UNC13C: variants seen among roughly 807,000 people sequenced by gnomAD.
The protein encoded by UNC13C is unc-13 homolog C.
Under a neutral mutation model 245.4 loss-of-function variants are expected in UNC13C, and 174 were observed. The observed-to-expected ratio is 0.71, with a 90% confidence interval of 0.63 to 0.80. The LOEUF is 0.80. Ranked by LOEUF, UNC13C falls within the 30% of genes least tolerant of loss-of-function variation. The pLI is 0.00. For synonymous variants in UNC13C, 992 were observed against 895.1 expected (o/e 1.11, Z -1.93); for missense variants, 2,829 against 2,602.9 (o/e 1.09, Z -1.89).
chr15:54,464,439 AT>A (rs1567298520), intron 19 of UNC13C, among the ~76,000 whole-genome samples: 4 of 152,024 alleles, frequency 2.6e-5, no homozygotes, highest in African/African-American at 9.7e-5. Flanking sequence ...ACATTTTTTT[AT>A]TCTTGAAAAT....
chr15:53,993,239 A>G (rs1012042794), intron 1 of UNC13C, among the ~76,000 whole-genome samples: 3 of 152,140 alleles, frequency 2.0e-5, no homozygotes, highest in Non-Finnish European at 2.9e-5. Flanking sequence ...TGCATTTGCA[A>G]TAGAGTCTTT....
Position 54,294,073 on chromosome 15 carries a change from T to A in UNC13C, c.3988+9T>A, listed in dbSNP as rs745725850. On this transcript the variant is annotated intron_variant, in intron 11 of 32. Coordinates refer to ENST00000260323, the MANE Select transcript of UNC13C (RefSeq NM_001080534.3). The stretch of plus-strand genomic sequence containing the variant: ...TGTCTGGTACAACTTAGGTGATTTT[T>A]TTTTTTATCTACTTGAAAACGAGTT... 1.3e-6 allele frequency: 2 copies of A among 1,501,528 alleles called. No homozygotes were observed. The highest frequency in any genetic ancestry group is 8.8e-7 in the Non-Finnish European group (1 of 1,129,994). The allele number at this position is 1,501,528 out of a possible 1,614,324, so 93.0% of individuals were successfully genotyped here.
In UNC13C at chr15:54,264,247, G is replaced by A. The variant is rs1479392554; in HGVS notation, c.3528G>A (p.Lys1176=). Residue 1176 remains lysine (K), a synonymous_variant, in exon 9 of 33, where the codon AAG becomes AAA. Coordinates refer to ENST00000260323, the MANE Select transcript of UNC13C (RefSeq NM_001080534.3). ...TTACAGCAATGAAAGAAAGAATGAA[G>A]ATCAGGGAGAAAAACCGGCCAGAAG... is the stretch of plus-strand genomic sequence containing the variant. ...TIITAMKERM[K]IREKNRPEVF... 4 of 1,597,684 alleles carry A rather than the reference G, an allele frequency of 2.5e-6. No homozygotes were observed. In the Admixed American group the frequency reaches 6.9e-5, roughly 28 times the overall value.
At chr15:54,260,510 A>G (rs2140883506) in intron 8 of UNC13C, among the ~76,000 whole-genome samples, 1 of 150,656 alleles carries the variant, frequency 6.6e-6, no homozygotes, top group Non-Finnish European at 1.5e-5. Context: ...GTTATTATAT[A>G]CATATCTATG....
chr15:54,403,360 C>G (rs998538729), intron 18 of UNC13C, among the ~76,000 whole-genome samples: 4 of 151,970 alleles, frequency 2.6e-5, no homozygotes, highest in African/African-American at 4.8e-5. Flanking sequence ...GAGCTATGAT[C>G]AGACCACTGC....
At chr15:54,439,757 A>C (rs989246923) in intron 19 of UNC13C, among the ~76,000 whole-genome samples, 2 of 151,982 alleles carry the variant, frequency 1.3e-5, no homozygotes, top group Admixed American at 6.6e-5. Flanking sequence ...CCATCACCTC[A>C]AATATTTATC....
At chr15:54,224,550 T>C (rs11634360) in intron 4 of UNC13C, among the ~76,000 whole-genome samples, 39,545 of 152,036 alleles carry the variant, frequency 0.26, 5,702 homozygotes, top group Non-Finnish European at 0.31. Context: ...TTGTTAAGGA[T>C]ATTTGCATCA....
chr15:54,575,179 G>A (rs971253963), intron 30 of UNC13C, among the ~76,000 whole-genome samples: 2 of 152,124 alleles, frequency 1.3e-5, no homozygotes, highest in Admixed American at 6.6e-5. Context: ...GGGATTACAG[G>A]TGCCCGCCAC....
At chr15:53,958,149 G>A in the UNC13C span, among the ~76,000 whole-genome samples, 2 of 152,062 alleles carry the variant, frequency 1.3e-5, no homozygotes, top group East Asian at 3.9e-4. Context: ...AATTTTAGAC[G>A]AAGTTTGTCA....
At chr15:54,450,913 C>G (rs184909578) in intron 19 of UNC13C, among the ~76,000 whole-genome samples, 3 of 152,156 alleles carry the variant, frequency 2.0e-5, no homozygotes, top group Non-Finnish European at 2.9e-5. Flanking sequence ...ATCTTGGAAC[C>G]ACCCAAGAGT....
At chr15:54,520,674 G>A (rs897107868) in intron 24 of UNC13C, among the ~76,000 whole-genome samples, 1 of 152,192 alleles carries the variant, frequency 6.6e-6, no homozygotes, top group African/African-American at 2.4e-5. Flanking sequence ...GGCAGTTAGA[G>A]AAGCAGGGAA....
the UNC13C span, among the ~76,000 whole-genome samples, chr15:53,916,555 A>G: frequency 6.6e-6 from 1 of 152,146 alleles, no homozygotes; most frequent in African/African-American, 2.4e-5. Flanking sequence ...GCAGTAGTGA[A>G]GAGTTGGGAA....
At chr15:54,049,412 T>C (rs1053812025) in intron 2 of UNC13C, 7 of 506,830 alleles carry the variant, frequency 1.4e-5, no homozygotes, top group African/African-American at 5.9e-5. Flanking sequence ...TCAAATATAA[T>C]TGGTGTATTC....
chr15:54,476,174 A>G (rs1892728411), intron 19 of UNC13C, among the ~76,000 whole-genome samples: 1 of 119,038 alleles, frequency 8.4e-6, no homozygotes, highest in Non-Finnish European at 1.8e-5. Context: ...TTTCTTGTAA[A>G]TGTGTTTGAG....
chr15:54,255,018 G>T (rs2036244126), intron 8 of UNC13C, among the ~76,000 whole-genome samples: 1 of 152,146 alleles, frequency 6.6e-6, no homozygotes, highest in South Asian at 2.1e-4. Flanking sequence ...GTGTGATGGG[G>T]TGTAGCTCGC....
intron 30 of UNC13C, among the ~76,000 whole-genome samples, chr15:54,582,444 T>C (rs1596612020): frequency 6.6e-6 from 1 of 152,186 alleles, no homozygotes; most frequent in Admixed American, 6.5e-5. Flanking sequence ...GTTCTGCAGC[T>C]AAATTCAGGA....
chr15:54,268,368 T>A (rs1380522003), intron 10 of UNC13C, among the ~76,000 whole-genome samples: 1 of 152,110 alleles, frequency 6.6e-6, no homozygotes, highest in Non-Finnish European at 1.5e-5. Flanking sequence ...TTATGATAAC[T>A]GTTTTGATGT....
chr15:54,252,695 C>T (rs987295096), intron 8 of UNC13C, among the ~76,000 whole-genome samples: 12 of 152,148 alleles, frequency 7.9e-5, no homozygotes, highest in African/African-American at 2.9e-4. Flanking sequence ...GAGATAATTT[C>T]ATGAATGCCA....
At chr15:54,319,324 G>A (rs1349855550) in intron 13 of UNC13C, among the ~76,000 whole-genome samples, 1 of 149,262 alleles carries the variant, frequency 6.7e-6, no homozygotes, top group Non-Finnish European at 1.5e-5. Context: ...TGATAGCATA[G>A]CTCTAAGAAT....
Sources: allele counts gnomAD v4.1 joint callset (sites outside exome capture counted in the v4.1 genomes callset), GRCh38; gene constraint gnomAD v4.1.1; transcripts MANE v1.5; gene names NCBI Gene and HGNC (gene_info 2026-07-23, HGNC 2026-07-21).